The following PDCL2 variants were observed in gnomAD, a reference collection of about 807,000 sequenced individuals.
PDCL2 encodes the protein phosducin like 2, also known as phosducin-like protein 2.
Under a neutral mutation model 30.3 loss-of-function variants are expected in PDCL2, and 23 were observed. That is an observed-to-expected ratio of 0.76 (90% CI 0.55 to 1.08). PDCL2 has a LOEUF of 1.08. Ranked by LOEUF, PDCL2 falls within the 50% of genes least tolerant of loss-of-function variation. PDCL2 has a pLI of 0.00. For missense variants in PDCL2, 243 were observed against 282.3 expected (o/e 0.86, Z 1.00); for synonymous variants, 68 against 86.2 (o/e 0.79, Z 1.17).
chr4:55,586,880 G>C lies in PDCL2; in HGVS notation c.7-4643C>G, dbSNP rs539826349. 8.5e-5 allele frequency among the ~76,000 whole-genome samples: 13 copies of C among 152,194 alleles called. No homozygotes were observed. The South Asian group carries it at 2.7e-3, about 32-fold the overall frequency. ...TAAACATTCTAGTGGGTGTGAAGTA[G>C]ACTGTGGTTTTGAGCTGCATCCCCT... On this transcript the variant is annotated intron_variant, in intron 1 of 5. Transcript: ENST00000295645.
chr4:55,587,111 A>G (rs1732881105), intron 1 of PDCL2, among the ~76,000 whole-genome samples: 1 of 148,682 alleles, frequency 6.7e-6, no homozygotes, highest in African/African-American at 2.5e-5. Context: ...TGTCAAGTTC[A>G]TTGTCCAGTG....
chr4:55,581,797 A>G (rs959723719), intron 2 of PDCL2, among the ~76,000 whole-genome samples: 1 of 152,132 alleles, frequency 6.6e-6, no homozygotes, highest in Non-Finnish European at 1.5e-5. Flanking sequence ...TCCATCTCCT[A>G]GGTTCATGCC....
chr4:55,557,951 CAA>C (rs57872861), intron 5 of PDCL2, among the ~76,000 whole-genome samples: 69,154 of 126,072 alleles, frequency 0.55, 18,941 homozygotes, highest in Non-Finnish European at 0.61. Context: ...ACTAAAAATA[CAA>C]AAAAAAAAAA....
At chr4:55,563,097 T>A (rs1174929274) in intron 4 of PDCL2, among the ~76,000 whole-genome samples, 1 of 152,196 alleles carries the variant, frequency 6.6e-6, no homozygotes, top group African/African-American at 2.4e-5. Flanking sequence ...CCATGCCACA[T>A]CCTGGTGGCC....
At chr4:55,585,558 ACAC>A (rs1732837933) in intron 1 of PDCL2, among the ~76,000 whole-genome samples, 11 of 152,000 alleles carry the variant, frequency 7.2e-5, no homozygotes, top group African/African-American at 2.7e-4. Context: ...ACACACACAC[ACAC>A]AAAGATTTAG....
intron 3 of PDCL2, among the ~76,000 whole-genome samples, chr4:55,579,723 G>T (rs1293310965): frequency 6.6e-6 from 1 of 150,834 alleles, no homozygotes; most frequent in South Asian, 2.1e-4. Flanking sequence ...TAGAGACAGG[G>T]TCTTACTATG....
chr4:55,583,523 TTC>T (rs1360348753), intron 1 of PDCL2, among the ~76,000 whole-genome samples: 1 of 152,228 alleles, frequency 6.6e-6, no homozygotes, highest in Non-Finnish European at 1.5e-5. Context: ...CTGTGTTTTC[TTC>T]TTGTATAATA....
chr4:55,562,510 GTGT>G lies in PDCL2; in HGVS notation c.462_464del (p.Gln154del). The G allele has an allele frequency of 6.3e-7, 1 of 1,591,110 alleles. No homozygotes were observed. The highest frequency in any genetic ancestry group is 1.7e-4 in the Middle Eastern group (1 of 6,018). On this transcript the variant is annotated inframe_deletion, in exon 5 of 6. Coordinates refer to ENST00000295645, the MANE Select transcript of PDCL2 (RefSeq NM_152401.3). The stretch of plus-strand genomic sequence containing the variant: ...TTGTTGGTAAACAATTGTCATGGTA[GTGT>G]TGAATACAGCTATTCACGATGGCTT...
intron 1 of PDCL2, among the ~76,000 whole-genome samples, chr4:55,582,475 T>C (rs1216933065): frequency 6.6e-6 from 1 of 152,190 alleles, no homozygotes; most frequent in African/African-American, 2.4e-5. Flanking sequence ...TAGAGAATAT[T>C]AAGGAAGTAT....
intron 3 of PDCL2, among the ~76,000 whole-genome samples, chr4:55,578,067 T>A (rs992967441): frequency 2.6e-5 from 4 of 152,184 alleles, no homozygotes; most frequent in African/African-American, 9.7e-5. Flanking sequence ...TCTCAGGTAT[T>A]TTTTGAGCCT....
intron 4 of PDCL2, 68 bp downstream of exon 4, chr4:55,569,650 C>T (rs1340101830): frequency 7.5e-5 from 97 of 1,289,454 alleles, no homozygotes; most frequent in Non-Finnish European, 9.7e-5. Context: ...CTTTGTAAAA[C>T]CTTAAAACCA....
In PDCL2 at chr4:55,563,786, C is replaced by A. The variant is rs1407733407; in HGVS notation, c.363-1174G>T. 3.9e-5 allele frequency among the ~76,000 whole-genome samples: 6 copies of A among 152,302 alleles called. No homozygotes were observed. In the South Asian group the frequency reaches 1.2e-3, roughly 32 times the overall value. ...GGTAAATCAGGTTACAGTGACAAGA[C>A]AGGCTATGGGAGGCAGAGAAGAGGA... On this transcript the variant is annotated intron_variant, in intron 4 of 5. Transcript: ENST00000295645.
Position 55,592,228 on chromosome 4 carries a change from G to A in PDCL2, c.-119C>T, listed in dbSNP as rs1222573460. ...CGCCCGCTTCAGGCCCGGCGGTTTC[G>A]AGTGACCGCCAGAAGAGGGAGAGGC... is the stretch of plus-strand genomic sequence containing the variant. On this transcript the variant is annotated 5_prime_UTR_variant, in exon 1 of 6. Coordinates refer to ENST00000295645, the MANE Select transcript of PDCL2 (RefSeq NM_152401.3). 2 of 1,445,374 alleles carry A rather than the reference G, an allele frequency of 1.4e-6. No homozygotes were observed. Among genetic ancestry groups the A allele is most frequent in the Non-Finnish European group, 9.4e-7 (1 of 1,061,368 alleles). The allele number at this position is 1,445,374 out of a possible 1,614,324, so 89.5% of individuals were successfully genotyped here.
At chr4:55,582,505 T>A (rs1732749510) in intron 1 of PDCL2, among the ~76,000 whole-genome samples, 1 of 152,234 alleles carries the variant, frequency 6.6e-6, no homozygotes. Flanking sequence ...CATGGAAAAT[T>A]TGCTGAAGAC....
chr4:55,592,133 AG>A lies in PDCL2; in HGVS notation c.-25del. The A allele has an allele frequency of 6.2e-7, 1 of 1,608,588 alleles. No homozygotes were observed. The highest frequency in any genetic ancestry group is 8.5e-7 in the Non-Finnish European group (1 of 1,178,082). ...ATGATGCGCTGCTCTGCCCCTCAAG[AG>A]CCCGCGTCGTCCTGCAGCTGGCGAG... On this transcript the variant is annotated 5_prime_UTR_variant, in exon 1 of 6. Transcript: ENST00000295645.
intron 1 of PDCL2, among the ~76,000 whole-genome samples, chr4:55,585,625 T>C (rs572033925): frequency 1.3e-5 from 2 of 152,336 alleles, no homozygotes; most frequent in South Asian, 4.1e-4. Flanking sequence ...TTGTTATTAG[T>C]TCTCCTTGAA....
intron 3 of PDCL2, among the ~76,000 whole-genome samples, chr4:55,580,050 T>C (rs1383684560): frequency 6.6e-6 from 1 of 151,760 alleles, no homozygotes; most frequent in Non-Finnish European, 1.5e-5. Flanking sequence ...TTTCTGCATG[T>C]TGGTCAGGCT....
rs752070978 is a variant in PDCL2, at chr4:55,580,944, G to A, written c.128-33C>T. The A allele has an allele frequency of 3.9e-6, 6 of 1,528,796 alleles. No individual in the cohort carries two copies. The Admixed American group carries it at 6.3e-5, about 16-fold the overall frequency. The allele number at this position is 1,528,796 out of a possible 1,614,324, so 94.7% of individuals were successfully genotyped here. ...AACATAAATTATAGATTATCAAATT[G>A]TTTAAAAATTTTTTTACTATACAGT... On this transcript the variant is annotated intron_variant, in intron 2 of 5. Coordinates refer to ENST00000295645, the MANE Select transcript of PDCL2 (RefSeq NM_152401.3).
intron 3 of PDCL2, among the ~76,000 whole-genome samples, 171 bp from the exon 4 acceptor site, chr4:55,570,032 C>T (rs1026262057): frequency 2.0e-5 from 3 of 152,034 alleles, no homozygotes; most frequent in African/African-American, 4.8e-5. Flanking sequence ...TTTTTATATG[C>T]AAATTTGTGT....
Sources: allele counts gnomAD v4.1 joint callset (sites outside exome capture counted in the v4.1 genomes callset), GRCh38; gene constraint gnomAD v4.1.1; transcripts MANE v1.5; gene names NCBI Gene and HGNC (gene_info 2026-07-23, HGNC 2026-07-21).